Variants in CREB5 observed in about 807,000 individuals in gnomAD.
The protein encoded by CREB5 is cyclic AMP-responsive element-binding protein 5.
In CREB5, 19 loss-of-function variants were observed where a neutral mutation model predicts 57.1. The observed-to-expected ratio is 0.33, with a 90% CI of 0.23 to 0.49. The LOEUF (loss-of-function observed/expected upper bound fraction) is 0.49, where lower values mean the gene tolerates loss of function less well. Ranked by LOEUF, CREB5 falls within the 20% of genes least tolerant of loss-of-function variation. The pLI is 0.99. For missense variants in CREB5, 579 were observed against 671.6 expected, an observed-to-expected ratio of 0.86 and a Z score of 1.52; for synonymous variants, 238 against 238.3, an observed-to-expected ratio of 1.00 and a Z score of 0.01.
intron 5 of CREB5, among the ~76,000 whole-genome samples, chr7:28,613,471 A>G (rs569023635): frequency 6.6e-6 from 1 of 152,340 alleles, no homozygotes; most frequent in East Asian, 1.9e-4. Context: ...ATAGGTGTCA[A>G]ATCATCAAGT....
At chr7:28,641,123 A>G (rs61604112) in intron 5 of CREB5, among the ~76,000 whole-genome samples, 1 of 152,190 alleles carries the variant, frequency 6.6e-6, no homozygotes, top group African/African-American at 2.4e-5. Flanking sequence ...AAGAATCCCT[A>G]GTGGAAATGC....
At chr7:28,474,774 G>T (rs1181897030) in intron 1 of CREB5, among the ~76,000 whole-genome samples, 1 of 152,122 alleles carries the variant, frequency 6.6e-6, no homozygotes, top group East Asian at 1.9e-4. Context: ...GAAATAACTG[G>T]GAATTTTGGC....
chr7:28,804,152 A>G (rs763120136), intron 7 of CREB5, 47 bp from the exon 8 acceptor site: 1 of 1,567,396 alleles, frequency 6.4e-7, no homozygotes, highest in East Asian at 2.3e-5. Context: ...TATCATGTAC[A>G]TGACTGACTT....
chr7:28,665,923 G>A (rs920818691), intron 5 of CREB5, among the ~76,000 whole-genome samples: 7 of 151,996 alleles, frequency 4.6e-5, no homozygotes, highest in Admixed American at 1.3e-4. Context: ...GAGTGCTGCC[G>A]ACACCCTTAA....
intron 6 of CREB5, among the ~76,000 whole-genome samples, chr7:28,721,969 C>T (rs1244621159): frequency 6.6e-6 from 1 of 152,242 alleles, no homozygotes; most frequent in Non-Finnish European, 1.5e-5. Context: ...AGCAAAGCCA[C>T]TCCCATCTTC....
intron 4 of CREB5, among the ~76,000 whole-genome samples, chr7:28,560,897 C>CGCGCGT (rs1554344445): frequency 2.2e-4 from 5 of 22,524 alleles, no homozygotes; most frequent in Admixed American, 5.0e-4. Flanking sequence ...CGTGTGTGTG[C>CGCGCGT]GTGCGCGCGT....
intron 5 of CREB5, among the ~76,000 whole-genome samples, chr7:28,646,577 T>C (rs921969821): frequency 6.6e-6 from 1 of 152,148 alleles, no homozygotes; most frequent in East Asian, 1.9e-4. Context: ...TTTCATGTGT[T>C]TTCAAGAGAG....
chr7:28,624,696 A>G (rs1357567830), intron 5 of CREB5, among the ~76,000 whole-genome samples: 1 of 146,192 alleles, frequency 6.8e-6, no homozygotes, highest in Non-Finnish European at 1.5e-5. Flanking sequence ...AAAAAAAACA[A>G]TCTTGAAGAA....
chr7:28,310,439 C>G (rs1562651179), intron 1 of CREB5, among the ~76,000 whole-genome samples: 1 of 152,192 alleles, frequency 6.6e-6, no homozygotes, highest in African/African-American at 2.4e-5. Flanking sequence ...CCTGGCTGGA[C>G]TATTAAATAG....
At chr7:28,615,256 AGGT>A (rs1340106863) in intron 5 of CREB5, 1 of 152,264 alleles carries the variant, frequency 6.6e-6, no homozygotes, top group Non-Finnish European at 1.5e-5. Flanking sequence ...ACCGCATCAG[AGGT>A]GGCTGTGGTG....
intron 4 of CREB5, among the ~76,000 whole-genome samples, chr7:28,543,684 T>G (rs1583602730): frequency 6.6e-6 from 1 of 151,868 alleles, no homozygotes; most frequent in Non-Finnish European, 1.5e-5. Context: ...TCCAGTCCAC[T>G]GGAGAATAAA....
At chr7:28,396,323 T>A (rs190918994) in intron 1 of CREB5, among the ~76,000 whole-genome samples, 1 of 152,304 alleles carries the variant, frequency 6.6e-6, no homozygotes, top group Non-Finnish European at 1.5e-5. Flanking sequence ...TCTTTTTGGA[T>A]GCAAGGCAGA....
At chr7:28,801,643 A>G (rs1808372813) in intron 7 of CREB5, among the ~76,000 whole-genome samples, 1 of 152,200 alleles carries the variant, frequency 6.6e-6, no homozygotes, top group African/African-American at 2.4e-5. Flanking sequence ...AATGCTGTTC[A>G]CCCACCAGAT....
chr7:28,440,087 G>T (rs1789123128), intron 1 of CREB5, among the ~76,000 whole-genome samples: 1 of 152,148 alleles, frequency 6.6e-6, no homozygotes, highest in Non-Finnish European at 1.5e-5. Flanking sequence ...TGTCTCAGGG[G>T]TGCAAAACAT....
At chr7:28,506,745 T>G (rs1792492986) in intron 3 of CREB5, among the ~76,000 whole-genome samples, 1 of 152,232 alleles carries the variant, frequency 6.6e-6, no homozygotes, top group African/African-American at 2.4e-5. Flanking sequence ...TTGCACTCAA[T>G]GACGATGGAA....
chr7:28,567,653 A>G lies in CREB5; in HGVS notation c.292-2712A>G, dbSNP rs1795535322. Among the ~76,000 whole-genome samples, 3 of 152,240 alleles carry G rather than the reference A, an allele frequency of 2.0e-5. No homozygotes were observed. The South Asian group carries it at 6.2e-4, about 32-fold the overall frequency. On this transcript the variant is annotated intron_variant, in intron 4 of 10. Coordinates refer to ENST00000357727, the MANE Select transcript of CREB5 (RefSeq NM_182898.4). ...TCACTTCGGTGAGTGTGGGCAGGAA[A>G]GGTTTGCCTACATGATGATTGATTC... is the stretch of plus-strand genomic sequence containing the variant.
intron 1 of CREB5, among the ~76,000 whole-genome samples, chr7:28,449,580 C>T (rs1347032096): frequency 1.3e-5 from 2 of 152,140 alleles, no homozygotes; most frequent in Non-Finnish European, 2.9e-5. Context: ...GTATTTTGTC[C>T]TGCAACCTCA....
rs1422342976 is a variant in CREB5 at position 28,560,863 on chromosome 7, TGCCTGC to T, written c.292-9500_292-9495del. ...GTGTGTGCGCGTGTGTGTGTGCGTG[TGCCTGC>T]GTGCGCGTGCGTGCGTGCGTGTGTG... is the stretch of plus-strand genomic sequence containing the variant. On this transcript the variant is annotated intron_variant, in intron 4 of 10. Coordinates refer to ENST00000357727, the MANE Select transcript of CREB5 (RefSeq NM_182898.4). Among the ~76,000 whole-genome samples the T allele has an allele frequency of 3.3e-4, 8 of 24,198 alleles. 1 individual carries two copies. Among genetic ancestry groups the T allele is most frequent in the South Asian group, 3.2e-3 (1 of 310 alleles). The allele number at this position is 24,198 out of a possible 152,430, so 15.9% of individuals were successfully genotyped here.
Position 28,819,545 on chromosome 7 carries a change from C to T in CREB5, c.*266C>T. 1 of 379,710 alleles carries T rather than the reference C, an allele frequency of 2.6e-6. No individual in the cohort carries two copies. Among genetic ancestry groups the T allele is most frequent in the South Asian group, 4.0e-5 (1 of 24,838 alleles). 23.5% of individuals were successfully genotyped at this position (379,710 alleles called of 1,614,324 possible). A position where few individuals can be genotyped will look rare whatever the true frequency, so the allele number is the denominator to read the frequency against. On this transcript the variant is annotated 3_prime_UTR_variant, in exon 11 of 11. Coordinates refer to ENST00000357727, the MANE Select transcript of CREB5 (RefSeq NM_182898.4). ...CTGGTACCAGTTACTTGTTTATAAACTGAACCTTTTCTGTATATAGCCATG... is the reference window on the plus strand; with the variant it reads ...CTGGTACCAGTTACTTGTTTATAAATTGAACCTTTTCTGTATATAGCCATG...
Sources: allele counts gnomAD v4.1 joint callset (sites outside exome capture counted in the v4.1 genomes callset), GRCh38; gene constraint gnomAD v4.1.1; transcripts MANE v1.5; gene names NCBI Gene and HGNC (gene_info 2026-07-23, HGNC 2026-07-21).